Variants in CCDC107 observed in about 807,000 individuals in gnomAD.
CCDC107 encodes the protein coiled-coil domain containing 107, also known as coiled-coil domain-containing protein 107.
CCDC107 carries 17 observed loss-of-function variants against 17.9 expected under a neutral mutation model. The observed-to-expected ratio is 0.95, with a 90% CI of 0.65 to 1.42. The LOEUF (loss-of-function observed/expected upper bound fraction) is 1.42. Ranked by LOEUF, CCDC107 falls within the 40% of genes most tolerant of loss-of-function variation. CCDC107 has a pLI of 0.00. For missense variants in CCDC107, 388 were observed against 360.1 expected, an observed-to-expected ratio of 1.08 and a Z score of -0.63; for synonymous variants, 170 against 157.2, an observed-to-expected ratio of 1.08 and a Z score of -0.61.
rs1388506895 is a variant in CCDC107 at position 35,658,422 on chromosome 9, C to T, written c.43C>T (p.Leu15Phe). The change falls in exon 1 of 5, where the codon CTT becomes TTT. Residue 15 changes from leucine (L) to phenylalanine (F), a missense_variant. Transcript: ENST00000426546. ...VSLLGVVGLL[L>F]VSALSGVLGD... is the part of the protein sequence containing the mutation. ...GCTCTTGGGTGTGGTGGGGCTGCTG[C>T]TTGTGTCTGCGCTGTCCGGGGTCCT... 4.1e-6 allele frequency: 6 copies of T among 1,454,312 alleles called. No individual in the cohort carries two copies. Among genetic ancestry groups the T allele is most frequent in the Non-Finnish European group, 5.4e-6 (6 of 1,102,312 alleles). 90.1% of individuals were successfully genotyped at this position (1,454,312 alleles called of 1,614,324 possible). A position where few individuals can be genotyped will look rare whatever the true frequency, so the allele number is the denominator to read the frequency against.
Position 35,658,411 on chromosome 9 carries a change from TG to T in CCDC107, c.36del (p.Leu13CysfsTer11). 1 of 1,439,890 alleles carries T rather than the reference TG, an allele frequency of 6.9e-7. No individual in the cohort carries two copies. The allele number at this position is 1,439,890 out of a possible 1,614,324, so 89.2% of individuals were successfully genotyped here. ...GGCGCAGTTTCGCTCTTGGGTGTGG[TG>T]GGGCTGCTGCTTGTGTCTGCGCTGT... MAGAVSLLGV[V>X]GLLLVSALSG... On this transcript the variant is annotated frameshift_variant, in exon 1 of 5. Coordinates refer to ENST00000426546, the MANE Select transcript of CCDC107 (RefSeq NM_174923.3). LOFTEE classifies it high-confidence loss of function.
chr9:35,661,182 T>G lies in CCDC107; in HGVS notation c.847T>G (p.Ser283Ala). ...AGGTCGACTAAAACAAAGTCTGTTT[T>G]CATGATGGAGTGCTCCTGTGTGTTT... is the stretch of plus-strand genomic sequence containing the variant. The part of the protein sequence containing the change: ...AEGRLKQSLF[S>A] Residue 283 changes from serine (S) to alanine (A), a missense_variant, in exon 5 of 5, where the codon TCA becomes GCA. Coordinates refer to ENST00000426546, the MANE Select transcript of CCDC107 (RefSeq NM_174923.3). The G allele has an allele frequency of 1.9e-6, 3 of 1,593,418 alleles. No individual in the cohort carries two copies. Among genetic ancestry groups the G allele is most frequent in the Non-Finnish European group, 2.6e-6 (3 of 1,168,256 alleles).
Position 35,661,110 on chromosome 9 carries a change from A to G in CCDC107, c.775A>G (p.Lys259Glu). The G allele has an allele frequency of 1.2e-6, 2 of 1,614,066 alleles. No individual in the cohort carries two copies. The highest frequency in any genetic ancestry group is 2.2e-5 in the East Asian group (1 of 44,884). The change falls in exon 5 of 5, where the codon AAG becomes GAG. Residue 259 changes from lysine to glutamate, a missense_variant. Physicochemically the swap from Lys to Glu is moderately conservative, Grantham distance 56 (BLOSUM62 1). Coordinates refer to ENST00000426546, the MANE Select transcript of CCDC107 (RefSeq NM_174923.3). The part of the protein sequence containing the change: ...LRRRCSQAVA[K>E]GPSHSLGWEG... ...GAGAAGGTGCAGCCAGGCTGTGGCA[A>G]AGGGCCCCAGTCACAGCCTTGGCTG... is the stretch of plus-strand genomic sequence containing the variant.
At chr9:35,658,966 A>G in intron 2 of CCDC107, 1 of 397,440 alleles carries the variant, frequency 2.5e-6, no homozygotes, top group East Asian at 3.9e-5. Flanking sequence ...TGACTATCAC[A>G]TTTAGTTCTC....
chr9:35,661,074 C>A lies in CCDC107; in HGVS notation c.739C>A (p.Arg247=). The part of the protein sequence containing the change: ...WNLATSWEVG[R]GLRRRCSQAV... ...CCTAGCTACTTCCTGGGAGGTGGGGCGGGGACTACGGAGAAGGTGCAGCCA... is the reference window on the plus strand; with the variant it reads ...CCTAGCTACTTCCTGGGAGGTGGGGAGGGGACTACGGAGAAGGTGCAGCCA... Residue 247 remains arginine, a synonymous_variant, in exon 5 of 5, where the codon CGG becomes AGG. Coordinates refer to ENST00000426546, the MANE Select transcript of CCDC107 (RefSeq NM_174923.3). 2 of 1,614,102 alleles carry A rather than the reference C, an allele frequency of 1.2e-6. No individual in the cohort carries two copies. Among genetic ancestry groups the A allele is most frequent in the Non-Finnish European group, 8.5e-7 (1 of 1,180,026 alleles).
rs767823602 is a variant in CCDC107, at chr9:35,658,558, T to C, written c.107-18T>C. On this transcript the variant is annotated intron_variant, in intron 1 of 4. Transcript: ENST00000426546. The stretch of plus-strand genomic sequence containing the variant: ...CAGGCCCCAGCTCGGCTGACTCGCC[T>C]GTATCCTCCCTCCGCAGGGAACGCA... 1.1e-5 allele frequency: 17 copies of C among 1,569,140 alleles called. No homozygotes were observed. The highest frequency in any genetic ancestry group is 2.6e-6 in the Non-Finnish European group (3 of 1,165,740).
Position 35,660,807 on chromosome 9 carries a change from G to C in CCDC107, c.472G>C (p.Glu158Gln). The change falls in exon 5 of 5, where the codon GAG (glutamate) becomes CAG (glutamine). Residue 158 changes from glutamate to glutamine, a missense_variant. Transcript: ENST00000426546. ...LLNMKLWTIH[E>Q]LLQDSKPDKD... The stretch of plus-strand genomic sequence containing the variant: ...GAACATGAAGCTATGGACCATCCAC[G>C]AGCTGCTGCAAGATAGCAAGCCGGA... The C allele has an allele frequency of 1.9e-6, 3 of 1,614,166 alleles. No individual in the cohort carries two copies. The highest frequency in any genetic ancestry group is 2.5e-6 in the Non-Finnish European group (3 of 1,180,038).
rs1330340041 is a variant in CCDC107 at position 35,659,746 on chromosome 9, C to A, written c.259-655C>A. ...CCTTCAAATTCCTGAGGGGCTGTCA[C>A]CTTGAGGAGACATTATTTTGGAAGG... On this transcript the variant is annotated intron_variant, in intron 2 of 4. Coordinates refer to ENST00000426546, the MANE Select transcript of CCDC107 (RefSeq NM_174923.3). 4 of 152,188 alleles carry A rather than the reference C, an allele frequency of 2.6e-5. No homozygotes were observed. The East Asian group carries it at 5.8e-4, about 22-fold the overall frequency. 9.4% of individuals were successfully genotyped at this position (152,188 alleles called of 1,614,324 possible).
At position 35,661,237 on chromosome 9, in the gene CCDC107, T is replaced by A; in HGVS notation, c.*50T>A. 1 of 1,362,072 alleles carries A rather than the reference T, an allele frequency of 7.3e-7. No individual in the cohort carries two copies. The highest frequency in any genetic ancestry group is 1.0e-6 in the Non-Finnish European group (1 of 987,376). The allele number at this position is 1,362,072 out of a possible 1,614,324, so 84.4% of individuals were successfully genotyped here. Reference sequence around the variant, plus strand: ...GATCCTAGTTGGTTGTACACACCCATACTAGGTGCCTAAGGACAACTGGGC... The same window carrying A: ...GATCCTAGTTGGTTGTACACACCCAAACTAGGTGCCTAAGGACAACTGGGC... On this transcript the variant is annotated 3_prime_UTR_variant, in exon 5 of 5. Coordinates refer to ENST00000426546, the MANE Select transcript of CCDC107 (RefSeq NM_174923.3).
chr9:35,658,528 G>A (rs773272713), intron 1 of CCDC107, 43 bp downstream of exon 1: 2 of 1,520,186 alleles, frequency 1.3e-6, no homozygotes, highest in Non-Finnish European at 1.8e-6. Context: ...ACTGCGCACG[G>A]GTCCCAGGCC....
chr9:35,660,578 C>T lies in CCDC107; in HGVS notation c.341C>T (p.Thr114Ile), dbSNP rs1823869107. 1.2e-6 allele frequency: 2 copies of T among 1,613,992 alleles called. No homozygotes were observed. Among genetic ancestry groups the T allele is most frequent in the Non-Finnish European group, 1.7e-6 (2 of 1,180,012 alleles). Reference protein sequence around the residue: ...LQSEQQLAQLTQQLAQTEQHL... With the variant: ...LQSEQQLAQLIQQLAQTEQHL... The stretch of plus-strand genomic sequence containing the variant: ...CCAGAGCAACAGCTGGCCCAGTTGA[C>T]ACAACAGCTGGCCCAGACAGAGCAG... The change falls in exon 4 of 5, where the codon ACA becomes ATA. Residue 114 changes from threonine (T) to isoleucine (I), a missense_variant. Coordinates refer to ENST00000426546, the MANE Select transcript of CCDC107 (RefSeq NM_174923.3).
At position 35,658,439 on chromosome 9, in the gene CCDC107, C is replaced by CG; in HGVS notation, c.64dup (p.Val22GlyfsTer69). 9 of 1,470,506 alleles carry CG rather than the reference C, an allele frequency of 6.1e-6. No individual in the cohort carries two copies. Among genetic ancestry groups the CG allele is most frequent in the Non-Finnish European group, 8.1e-6 (9 of 1,111,082 alleles). The allele number at this position is 1,470,506 out of a possible 1,614,324, so 91.1% of individuals were successfully genotyped here. A position where few individuals can be genotyped will look rare whatever the true frequency, so the allele number is the denominator to read the frequency against. On this transcript the variant is annotated frameshift_variant, in exon 1 of 5. Coordinates refer to ENST00000426546, the MANE Select transcript of CCDC107 (RefSeq NM_174923.3). LOFTEE classifies it high-confidence loss of function. ...GGCTGCTGCTTGTGTCTGCGCTGTCCGGGGTCCTAGGAGACCGCGCCAATC... is the reference window on the plus strand; with the variant it reads ...GGCTGCTGCTTGTGTCTGCGCTGTCCGGGGGTCCTAGGAGACCGCGCCAATC...
At chr9:35,659,587 C>G (rs1334036143) in intron 2 of CCDC107, 1 of 152,180 alleles carries the variant, frequency 6.6e-6, no homozygotes, top group Non-Finnish European at 1.5e-5. Flanking sequence ...GTATTCTCCT[C>G]AGGGCATTGC....
In CCDC107 at chr9:35,660,480, T is replaced by C; in HGVS notation, c.319+19T>C. The stretch of plus-strand genomic sequence containing the variant: ...CAGTCAGGTGGGTTTAGCAGAAGTC[T>C]GTGCTGGGTCGGGGGAGTTTAGGGG... On this transcript the variant is annotated intron_variant, in intron 3 of 4. Transcript: ENST00000426546. 2 of 1,613,244 alleles carry C rather than the reference T, an allele frequency of 1.2e-6. No individual in the cohort carries two copies. Among genetic ancestry groups the C allele is most frequent in the Middle Eastern group, 1.7e-4 (1 of 6,036 alleles).
Position 35,661,218 on chromosome 9 carries a change from AGTTG to A in CCDC107, c.*36_*39del. 6.5e-7 allele frequency: 1 copy of A among 1,533,922 alleles called. No individual in the cohort carries two copies. Among genetic ancestry groups the A allele is most frequent in the Non-Finnish European group, 8.9e-7 (1 of 1,127,652 alleles). The stretch of plus-strand genomic sequence containing the variant: ...TGCTCCTGTGTGTTTTTTCGATCCT[AGTTG>A]GTTGTACACACCCATACTAGGTGCC... On this transcript the variant is annotated 3_prime_UTR_variant, in exon 5 of 5. Transcript: ENST00000426546.
Position 35,658,439 on chromosome 9 carries a change from C to T in CCDC107, c.60C>T (p.Ser20=). 2 of 1,470,506 alleles carry T rather than the reference C, an allele frequency of 1.4e-6. No homozygotes were observed. Among genetic ancestry groups the T allele is most frequent in the East Asian group, 2.9e-5 (1 of 34,716 alleles). The allele number at this position is 1,470,506 out of a possible 1,614,324, so 91.1% of individuals were successfully genotyped here. A position where few individuals can be genotyped will look rare whatever the true frequency, so the allele number is the denominator to read the frequency against. Residue 20 remains serine (S), a synonymous_variant, in exon 1 of 5, where the codon TCC becomes TCT. Transcript: ENST00000426546. ...GGCTGCTGCTTGTGTCTGCGCTGTC[C>T]GGGGTCCTAGGAGACCGCGCCAATC... ...VVGLLLVSAL[S]GVLGDRANPD... is the part of the protein sequence containing the mutation.
At chr9:35,660,519 C>T (rs1291145884) in intron 3 of CCDC107, 38 bp from the exon 4 acceptor site, 2 of 1,612,408 alleles carry the variant, frequency 1.2e-6, no homozygotes, top group Non-Finnish European at 8.5e-7. Flanking sequence ...GCAGAAGATA[C>T]ATAACCACTT....
Position 35,658,652 on chromosome 9 carries a change from C to T in CCDC107, c.183C>T (p.Thr61=). 3 of 1,573,124 alleles carry T rather than the reference C, an allele frequency of 1.9e-6. No homozygotes were observed. The highest frequency in any genetic ancestry group is 1.4e-5 in the African/African-American group (1 of 72,504). The change falls in exon 2 of 5, where the codon ACC becomes ACT. Residue 61 remains threonine (T), a synonymous_variant. Transcript: ENST00000426546. ...RPPLKDQRER[T]RAGSLPLGAL... is the part of the protein sequence containing the mutation. Reference sequence around the variant, plus strand: ...CGCTCAAGGATCAACGCGAGCGGACCCGGGCCGGGTCGCTGCCTCTGGGGG... The same window carrying T: ...CGCTCAAGGATCAACGCGAGCGGACTCGGGCCGGGTCGCTGCCTCTGGGGG...
At chr9:35,660,360 C>G (rs1010088209) in intron 2 of CCDC107, 41 bp from the exon 3 acceptor site, 1 of 1,528,728 alleles carries the variant, frequency 6.5e-7, no homozygotes, top group Non-Finnish European at 8.8e-7. Context: ...TGGAGCAGAA[C>G]CTTGTTGCTT....
Sources: gnomAD v4.1 joint callset for allele counts on GRCh38, gnomAD v4.1.1 for gene constraint, MANE v1.5 for transcripts, NCBI Gene and HGNC (gene_info 2026-07-23, HGNC 2026-07-21) for gene names.